KANSL1L: variants seen among roughly 807,000 people sequenced by gnomAD.
The protein encoded by KANSL1L is KAT8 regulatory NSL complex subunit 1 like, also known as KAT8 regulatory NSL complex subunit 1-like protein.
Under a neutral mutation model 108.6 loss-of-function variants are expected in KANSL1L, and 25 were observed. The observed-to-expected ratio is 0.23, with a 90% CI of 0.17 to 0.32. The LOEUF is 0.32. Ranked by LOEUF, KANSL1L falls within the 10% of genes least tolerant of loss-of-function variation. KANSL1L has a pLI of 1.00. For synonymous variants in KANSL1L, 405 were observed against 395.1 expected (o/e 1.03, Z -0.30); for missense variants, 1,137 against 1,125.7 (o/e 1.01, Z -0.14).
intron 11 of KANSL1L, among the ~76,000 whole-genome samples, chr2:210,027,862 T>G (rs1559496210): frequency 6.6e-6 from 1 of 152,224 alleles, no homozygotes; most frequent in Non-Finnish European, 1.5e-5. Context: ...CCACAAATGT[T>G]ATTACTTATG....
upstream of KANSL1L, among the ~76,000 whole-genome samples, chr2:210,172,730 C>T (rs1211034589): frequency 6.6e-6 from 1 of 152,096 alleles, no homozygotes; most frequent in Non-Finnish European, 1.5e-5. Context: ...GTCCTAGTCC[C>T]TGGGGACAGA....
chr2:210,139,513 A>G (rs534055983), intron 2 of KANSL1L, among the ~76,000 whole-genome samples: 1 of 152,324 alleles, frequency 6.6e-6, no homozygotes, highest in South Asian at 2.1e-4. Flanking sequence ...GTGCTTGTTT[A>G]CATTCCCACA....
chr2:210,054,874 C>T (rs2125243339), intron 6 of KANSL1L, among the ~76,000 whole-genome samples: 1 of 152,250 alleles, frequency 6.6e-6, no homozygotes, highest in East Asian at 1.9e-4. Context: ...TTGTAGACAA[C>T]ATGTTCCTAG....
intron 8 of KANSL1L, among the ~76,000 whole-genome samples, chr2:210,033,834 G>A (rs573225299): frequency 2.0e-5 from 3 of 152,048 alleles, no homozygotes; most frequent in East Asian, 1.9e-4. Context: ...CACCGCGCCC[G>A]GCCAAAAGTT....
At chr2:210,039,967 A>G (rs943704771) in intron 8 of KANSL1L, among the ~76,000 whole-genome samples, 2 of 151,794 alleles carry the variant, frequency 1.3e-5, no homozygotes, top group African/African-American at 2.4e-5. Flanking sequence ...TCATGTTTCC[A>G]TATGTGCTTG....
At chr2:210,040,096 C>T (rs1305560958) in intron 8 of KANSL1L, among the ~76,000 whole-genome samples, 4 of 151,798 alleles carry the variant, frequency 2.6e-5, no homozygotes, top group South Asian at 2.1e-4. Flanking sequence ...CTTCGAGTTA[C>T]ATTACATTAA....
intron 6 of KANSL1L, among the ~76,000 whole-genome samples, chr2:210,074,841 C>T (rs562353214): frequency 1.3e-5 from 2 of 152,196 alleles, no homozygotes; most frequent in East Asian, 3.9e-4. Context: ...TAATTTCTTT[C>T]CTTTGATATA....
At chr2:210,030,602 CAA>C (rs1387736900) in intron 9 of KANSL1L, 3 of 145,670 alleles carry the variant, frequency 2.1e-5, no homozygotes, top group African/African-American at 5.0e-5. Flanking sequence ...TATTTTAGTA[CAA>C]GTGTTTTAAA....
chr2:210,075,438 A>T, intron 6 of KANSL1L, 114 bp downstream of exon 6: 1 of 678,552 alleles, frequency 1.5e-6, no homozygotes, highest in Non-Finnish European at 2.5e-6. Context: ...TAAGTTTTCT[A>T]CATGTAATTA....
At chr2:210,102,501 A>G (rs1018335873) in intron 4 of KANSL1L, among the ~76,000 whole-genome samples, 1 of 152,196 alleles carries the variant, frequency 6.6e-6, no homozygotes, top group African/African-American at 2.4e-5. Context: ...CTGCACAGCA[A>G]AAGAAACTAC....
At chr2:210,105,117 G>A (rs1472756688) in intron 3 of KANSL1L, among the ~76,000 whole-genome samples, 1 of 151,816 alleles carries the variant, frequency 6.6e-6, no homozygotes, top group African/African-American at 2.4e-5. Flanking sequence ...CAGAGGCAAT[G>A]GAGACAACAG....
intron 6 of KANSL1L, among the ~76,000 whole-genome samples, chr2:210,060,751 C>T (rs1445411827): frequency 1.3e-5 from 2 of 152,120 alleles, no homozygotes; most frequent in African/African-American, 4.8e-5. Flanking sequence ...TGAAGAATAC[C>T]ATGAGAAAAC....
At chr2:210,054,009 A>C (rs1371041470) in intron 6 of KANSL1L, among the ~76,000 whole-genome samples, 1 of 152,124 alleles carries the variant, frequency 6.6e-6, no homozygotes, top group Non-Finnish European at 1.5e-5. Flanking sequence ...AACTCATATT[A>C]AAATAAATGT....
Position 210,022,046 on chromosome 2 carries a change from T to C in KANSL1L, c.*903A>G, listed in dbSNP as rs2093866596. The C allele has an allele frequency of 6.6e-6, 1 of 151,658 alleles. No individual in the cohort carries two copies. Among genetic ancestry groups the C allele is most frequent in the South Asian group, 2.1e-4 (1 of 4,802 alleles). The allele number at this position is 151,658 out of a possible 1,614,324, so 9.4% of individuals were successfully genotyped here. A position where few individuals can be genotyped will look rare whatever the true frequency, so the allele number is the denominator to read the frequency against. ...ATTTTATACTGATAGGGCTTTACTG[T>C]TTGTGGCTCATTTTAAAACTGGTGT... On this transcript the variant is annotated 3_prime_UTR_variant, in exon 15 of 15. Coordinates refer to ENST00000281772, the MANE Select transcript of KANSL1L (RefSeq NM_152519.4).
intron 1 of KANSL1L, among the ~76,000 whole-genome samples, chr2:210,167,288 A>G (rs1688040627): frequency 6.6e-6 from 1 of 152,082 alleles, no homozygotes; most frequent in African/African-American, 2.4e-5. Context: ...TCAGCTCAGT[A>G]CTTTATATTC....
At chr2:210,087,036 T>A (rs1293007417) in intron 5 of KANSL1L, among the ~76,000 whole-genome samples, 1 of 151,320 alleles carries the variant, frequency 6.6e-6, no homozygotes, top group African/African-American at 2.4e-5. Flanking sequence ...TTATTTTATT[T>A]TTTTTTTTTT....
At chr2:210,025,057 C>A in intron 13 of KANSL1L, 47 bp downstream of exon 13, 2 of 1,201,656 alleles carry the variant, frequency 1.7e-6, no homozygotes, top group South Asian at 2.4e-5. Flanking sequence ...AGGTTTTGTT[C>A]ATTTCACATG....
At chr2:210,150,116 ACCT>A (rs2095291864) in intron 2 of KANSL1L, among the ~76,000 whole-genome samples, 2 of 152,304 alleles carry the variant, frequency 1.3e-5, no homozygotes, top group Admixed American at 1.3e-4. Context: ...CCAGAAGCCT[ACCT>A]TAATGAACTG....
rs66917529 is a variant in KANSL1L at position 210,171,295 on chromosome 2, GGCCGCCGCC to G, written c.-185_-177del. On this transcript the variant is annotated 5_prime_UTR_variant, in exon 1 of 15. Transcript: ENST00000281772. Reference sequence around the variant, plus strand: ...CCAGAGCGCGCCCCGCTCCCGCCCCGGCCGCCGCCGCCGCCGCCGCCGCCGCCGCCGCCG... The same window carrying G: ...CCAGAGCGCGCCCCGCTCCCGCCCCGGCCGCCGCCGCCGCCGCCGCCGCCG... 5.9e-3 allele frequency: 1,035 copies of G among 174,752 alleles called. 19 individuals carry two copies. The highest frequency in any genetic ancestry group is 0.016 in the East Asian group (95 of 5,924). 10.8% of individuals were successfully genotyped at this position (174,752 alleles called of 1,614,324 possible).
Sources: gnomAD v4.1 joint callset for allele counts (sites outside exome capture counted in the v4.1 genomes callset) on GRCh38, gnomAD v4.1.1 for gene constraint, MANE v1.5 for transcripts, NCBI Gene and HGNC (gene_info 2026-07-23, HGNC 2026-07-21) for gene names.